SLC7A9: variants seen among roughly 807,000 people sequenced by gnomAD.
SLC7A9 encodes solute carrier family 7 member 9.
In SLC7A9, 38 loss-of-function variants were observed where a neutral mutation model predicts 54.1. That is an observed-to-expected ratio of 0.70 (90% confidence interval 0.54 to 0.92). SLC7A9 has a LOEUF of 0.92. Ranked by LOEUF, SLC7A9 falls within the 40% of genes least tolerant of loss-of-function variation. The pLI is 0.00. For missense variants in SLC7A9, 537 were observed against 636.1 expected (o/e 0.84, Z 1.68); for synonymous variants, 264 against 258.9 (o/e 1.02, Z -0.19).
intron 11 of SLC7A9, among the ~76,000 whole-genome samples, chr19:32,841,607 C>T (rs1406373075): frequency 6.6e-6 from 1 of 151,954 alleles, no homozygotes; most frequent in African/African-American, 2.4e-5. Flanking sequence ...AATATATGTG[C>T]GAGAGATATC....
chr19:32,852,937 G>A (rs980143408), intron 9 of SLC7A9, among the ~76,000 whole-genome samples: 7 of 143,654 alleles, frequency 4.9e-5, no homozygotes, highest in African/African-American at 1.8e-4. Flanking sequence ...TTTGAGAGAC[G>A]GAGTCTCGCT....
intron 10 of SLC7A9, among the ~76,000 whole-genome samples, chr19:32,843,173 G>A (rs1968177683): frequency 6.6e-6 from 1 of 152,086 alleles, no homozygotes; most frequent in Non-Finnish European, 1.5e-5. Flanking sequence ...ATGTCAAAGG[G>A]GTGGCCAGGC....
At position 32,834,851 on chromosome 19, in the gene SLC7A9, C is replaced by A. The variant is rs529311884; in HGVS notation, c.1225-1528G>T. On this transcript the variant is annotated intron_variant, in intron 11 of 12. Transcript: ENST00000023064. ...TGTCGCTCAGGCTGGAGTGCAGTGGCGTGATCTTGGCTCACTGCAACCTCT... is the reference window on the plus strand; with the variant it reads ...TGTCGCTCAGGCTGGAGTGCAGTGGAGTGATCTTGGCTCACTGCAACCTCT... 2.6e-5 allele frequency among the ~76,000 whole-genome samples: 4 copies of A among 152,146 alleles called. No individual in the cohort carries two copies. The East Asian group carries it at 7.8e-4, about 30-fold the overall frequency.
In SLC7A9 at chr19:32,862,603, A is replaced by G. The variant is rs1369257260; in HGVS notation, c.479-17T>C. The stretch of plus-strand genomic sequence containing the variant: ...AGATGAACACTGGAAGGGTGGGGAC[A>G]GTTTCTGCATTTATGGTTTTCAGCA... On this transcript the variant is annotated splice_polypyrimidine_tract_variant and intron_variant, in intron 4 of 12. Transcript: ENST00000023064. The G allele has an allele frequency of 6.2e-7, 1 of 1,613,270 alleles. No homozygotes were observed. Among genetic ancestry groups the G allele is most frequent in the South Asian group, 1.1e-5 (1 of 91,064 alleles).
intron 9 of SLC7A9, among the ~76,000 whole-genome samples, chr19:32,847,237 C>G (rs907104409): frequency 6.6e-6 from 1 of 152,080 alleles, no homozygotes; most frequent in African/African-American, 2.4e-5. Context: ...CCAACTACTC[C>G]GAGCTACAGG....
intron 9 of SLC7A9, among the ~76,000 whole-genome samples, chr19:32,854,257 C>T (rs1165400881): frequency 1.3e-5 from 2 of 152,010 alleles, no homozygotes; most frequent in African/African-American, 2.4e-5. Flanking sequence ...TCAAGCAGTC[C>T]TCCCCCTCGG....
At chr19:32,856,186 T>G (rs1968621059) in intron 9 of SLC7A9, among the ~76,000 whole-genome samples, 1 of 149,264 alleles carries the variant, frequency 6.7e-6, no homozygotes, top group Admixed American at 6.8e-5. Flanking sequence ...TATTTCAAAA[T>G]AGCTAGTGGT....
intron 9 of SLC7A9, among the ~76,000 whole-genome samples, chr19:32,849,020 G>A (rs2145821726): frequency 6.6e-6 from 1 of 152,116 alleles, no homozygotes; most frequent in East Asian, 1.9e-4. Context: ...GAATCTCTGG[G>A]ACACATTCAA....
At position 32,832,745 on chromosome 19, in the gene SLC7A9, C is replaced by A. The variant is rs557779382; in HGVS notation, c.1399+404G>T. ...TGGGCCACCTAGCGAGACTCCTTCT[C>A]TACAAAAAGTAAAAAAAATAGCCAG... On this transcript the variant is annotated intron_variant, in intron 12 of 12. Coordinates refer to ENST00000023064, the MANE Select transcript of SLC7A9 (RefSeq NM_014270.5). 3.4e-5 allele frequency: 8 copies of A among 233,748 alleles called. No individual in the cohort carries two copies. The South Asian group carries it at 4.4e-4, about 13-fold the overall frequency. 14.5% of individuals were successfully genotyped at this position (233,748 alleles called of 1,614,324 possible).
chr19:32,848,156 A>G (rs1018552597), intron 9 of SLC7A9, among the ~76,000 whole-genome samples: 3 of 152,270 alleles, frequency 2.0e-5, no homozygotes, highest in African/African-American at 7.2e-5. Flanking sequence ...AGCTAACATC[A>G]TAATGACAGG....
chr19:32,860,559 A>T, intron 7 of SLC7A9, 47 bp downstream of exon 7: 1 of 1,613,986 alleles, frequency 6.2e-7, no homozygotes, highest in Non-Finnish European at 8.5e-7. Context: ...AGGAGAAGAG[A>T]AATCAGGCTG....
chr19:32,842,207 C>A lies in SLC7A9; in HGVS notation c.1185G>T (p.Val395=). ...CCAGCTCTTTCCTTGTAAATCTCAT[C>A]ACGATGAGTCCTAGAATCGTCAGGC... ...FYGLTILGLI[V]MRFTRKELER... is the part of the protein sequence containing the mutation. The change falls in exon 11 of 13, where the codon GTG becomes GTT. Residue 395 remains valine (V), a synonymous_variant. Coordinates refer to ENST00000023064, the MANE Select transcript of SLC7A9 (RefSeq NM_014270.5). The A allele has an allele frequency of 6.2e-7, 1 of 1,614,138 alleles. No individual in the cohort carries two copies. The highest frequency in any genetic ancestry group is 8.5e-7 in the Non-Finnish European group (1 of 1,180,024).
In SLC7A9 at chr19:32,868,561, T is replaced by A; in HGVS notation, c.-27A>T. 6.3e-7 allele frequency: 1 copy of A among 1,580,434 alleles called. No homozygotes were observed. The highest frequency in any genetic ancestry group is 8.7e-7 in the Non-Finnish European group (1 of 1,149,100). ...TTTCCTCCTGCTGGTTCCAGGAGACTGCAAGGAGGGCGCACAGCTAAATCT... is the reference window on the plus strand; with the variant it reads ...TTTCCTCCTGCTGGTTCCAGGAGACAGCAAGGAGGGCGCACAGCTAAATCT... On this transcript the variant is annotated 5_prime_UTR_variant, in exon 2 of 13. Transcript: ENST00000023064.
intron 10 of SLC7A9, among the ~76,000 whole-genome samples, chr19:32,843,025 A>G (rs1456598453): frequency 6.6e-6 from 1 of 152,026 alleles, no homozygotes; most frequent in African/African-American, 2.4e-5. Flanking sequence ...TGTCTTCAGA[A>G]TGATAGAGAG....
At chr19:32,847,579 C>CGGG (rs985707557) in intron 9 of SLC7A9, among the ~76,000 whole-genome samples, 5 of 152,080 alleles carry the variant, frequency 3.3e-5, no homozygotes, top group Admixed American at 3.3e-4. Context: ...CTGAAAGTAA[C>CGGG]GGGGAGAATG....
intron 12 of SLC7A9, among the ~76,000 whole-genome samples, chr19:32,832,212 G>A (rs1026148906): frequency 2.6e-5 from 4 of 151,872 alleles, no homozygotes; most frequent in Admixed American, 6.6e-5. Flanking sequence ...TCGCTTGAAC[G>A]TGGGAGGCAG....
chr19:32,833,463 CTT>C, intron 11 of SLC7A9, 140 bp from the exon 12 acceptor site: 1 of 890,820 alleles, frequency 1.1e-6, no homozygotes, highest in Admixed American at 2.2e-5. Flanking sequence ...TTTTGCCAAT[CTT>C]ATTTCATCTA....
intron 9 of SLC7A9, among the ~76,000 whole-genome samples, chr19:32,851,737 C>A (rs1490258127): frequency 2.0e-5 from 3 of 152,154 alleles, no homozygotes; most frequent in African/African-American, 7.2e-5. Context: ...TTTATTGTGG[C>A]ACTATTCACA....
intron 9 of SLC7A9, among the ~76,000 whole-genome samples, chr19:32,854,010 ATT>A (rs552766727): frequency 1.3e-4 from 19 of 143,006 alleles, no homozygotes; most frequent in Non-Finnish European, 1.5e-4. Context: ...AAGACTCAGT[ATT>A]TTTTTTTTTT....
Sources: allele counts gnomAD v4.1 joint callset (sites outside exome capture counted in the v4.1 genomes callset), GRCh38; gene constraint gnomAD v4.1.1; transcripts MANE v1.5; gene names NCBI Gene and HGNC (gene_info 2026-07-23, HGNC 2026-07-21).